Variants in SGCD observed in about 807,000 individuals in gnomAD.
The protein encoded by SGCD is sarcoglycan delta.
SGCD carries 18 observed loss-of-function variants against 36.6 expected under a neutral mutation model. The observed-to-expected ratio is 0.49, with a 90% confidence interval of 0.34 to 0.73. The LOEUF is 0.73. Among genes scored for constraint, SGCD ranks in the 30% least tolerant of loss-of-function variants. The probability of loss-of-function intolerance (pLI) is 0.01; values close to 1 mark genes in which losing one functional copy is unlikely to be tolerated. For missense variants in SGCD, 387 were observed against 346.7 expected, an observed-to-expected ratio of 1.12 and a Z score of -0.92; for synonymous variants, 133 against 130.6, an observed-to-expected ratio of 1.02 and a Z score of -0.12.
chr5:156,114,072 G>T (rs1761853432), intron 1 of SGCD, among the ~76,000 whole-genome samples: 1 of 152,160 alleles, frequency 6.6e-6, no homozygotes, highest in South Asian at 2.1e-4. Flanking sequence ...TATAATGCTG[G>T]ATGCATATCA....
intron 3 of SGCD, among the ~76,000 whole-genome samples, chr5:156,478,026 A>ATGG (rs1191050927): frequency 6.6e-6 from 1 of 152,040 alleles, no homozygotes; most frequent in East Asian, 1.9e-4. Context: ...TCCTGGGAGA[A>ATGG]CAATCAGAGG....
chr5:155,775,509 T>A, the SGCD span, among the ~76,000 whole-genome samples: 1 of 152,142 alleles, frequency 6.6e-6, no homozygotes. Context: ...CCATGCTTTT[T>A]CCAACTCTAT....
intron 1 of SGCD, among the ~76,000 whole-genome samples, chr5:156,077,585 G>A (rs576173345): frequency 1.3e-5 from 2 of 152,172 alleles, no homozygotes; most frequent in South Asian, 4.2e-4. Flanking sequence ...TTTCACTTTT[G>A]ACTCATGGGG....
the SGCD span, among the ~76,000 whole-genome samples, chr5:155,836,470 A>ACCCCCC: frequency 4.6e-5 from 4 of 87,464 alleles, no homozygotes; most frequent in African/African-American, 1.5e-4. Context: ...TCTGATACCC[A>ACCCCCC]CCCCCGCCCC....
At chr5:156,547,501 G>C (rs1044859183) in intron 4 of SGCD, among the ~76,000 whole-genome samples, 10 of 151,194 alleles carry the variant, frequency 6.6e-5, no homozygotes, top group Non-Finnish European at 1.2e-4. Context: ...GGAGTGCAGT[G>C]GTGCGATCCC....
At chr5:156,434,666 C>T (rs1443915533) in intron 3 of SGCD, among the ~76,000 whole-genome samples, 2 of 152,134 alleles carry the variant, frequency 1.3e-5, no homozygotes. Flanking sequence ...TGATGATGGC[C>T]ACAGAAAACC....
At chr5:156,151,522 A>G (rs1461006945) in intron 3 of SGCD, among the ~76,000 whole-genome samples, 3 of 151,584 alleles carry the variant, frequency 2.0e-5, no homozygotes, top group Non-Finnish European at 1.5e-5. Flanking sequence ...TTTACAAACC[A>G]GATGAAAGTA....
chr5:156,269,511 C>A (rs1419338969), intron 3 of SGCD, among the ~76,000 whole-genome samples: 28 of 91,170 alleles, frequency 3.1e-4, no homozygotes, highest in African/African-American at 9.1e-4. Context: ...AAAAAAAAAA[C>A]CATCAGATCT....
chr5:156,046,946 GA>G (rs1759780748), intron 1 of SGCD, among the ~76,000 whole-genome samples: 1 of 152,184 alleles, frequency 6.6e-6, no homozygotes, highest in South Asian at 2.1e-4. Context: ...AGTTTCTGAA[GA>G]AAATTAAAAG....
At chr5:156,300,912 T>C (rs1193474183) in intron 3 of SGCD, among the ~76,000 whole-genome samples, 1 of 151,050 alleles carries the variant, frequency 6.6e-6, no homozygotes, top group Non-Finnish European at 1.5e-5. Flanking sequence ...TTTTGTTTGA[T>C]AAAAGTATAA....
the SGCD span, among the ~76,000 whole-genome samples, chr5:155,859,446 A>C: frequency 6.6e-6 from 1 of 152,138 alleles, no homozygotes; most frequent in African/African-American, 2.4e-5. Context: ...GAGTTTTGAT[A>C]AATATATAGA....
At position 156,723,023 on chromosome 5, in the gene SGCD, G is replaced by A. The variant is rs17053840; in HGVS notation, c.576-34558G>A. On this transcript the variant is annotated intron_variant, in intron 7 of 8. Coordinates refer to ENST00000337851, the MANE Select transcript of SGCD (RefSeq NM_000337.6). Reference sequence around the variant, plus strand: ...CTAGTAAATTAGACATTTAAAAAACGAATATGCCTACTGGAAGTGAAGTTC... The same window carrying A: ...CTAGTAAATTAGACATTTAAAAAACAAATATGCCTACTGGAAGTGAAGTTC... Among the ~76,000 whole-genome samples the A allele has an allele frequency of 2.6e-3, 392 of 152,294 alleles. 16 individuals are homozygous for A. The East Asian group carries it at 0.062, about 24-fold the overall frequency.
At chr5:156,488,201 T>G (rs1238978782) in intron 3 of SGCD, among the ~76,000 whole-genome samples, 1 of 149,460 alleles carries the variant, frequency 6.7e-6, no homozygotes, top group Non-Finnish European at 1.5e-5. Flanking sequence ...CCATGAATAT[T>G]AGAATTTAGG....
At chr5:155,780,475 G>A in the SGCD span, among the ~76,000 whole-genome samples, 1 of 152,098 alleles carries the variant, frequency 6.6e-6, no homozygotes, top group Non-Finnish European at 1.5e-5. Flanking sequence ...AGGAAAATTC[G>A]AAATCCCCTG....
At chr5:155,889,850 C>T (rs1358594099) in intron 1 of SGCD, among the ~76,000 whole-genome samples, 1 of 152,158 alleles carries the variant, frequency 6.6e-6, no homozygotes, top group Non-Finnish European at 1.5e-5. Context: ...TGTGGGCACC[C>T]GCCCTATTCC....
intron 1 of SGCD, among the ~76,000 whole-genome samples, chr5:156,084,863 C>T: frequency 6.6e-6 from 1 of 152,112 alleles, no homozygotes; most frequent in East Asian, 1.9e-4. Context: ...AAGTGATTTC[C>T]CTCTATCCTA....
At chr5:155,779,744 G>A in the SGCD span, among the ~76,000 whole-genome samples, 4 of 152,104 alleles carry the variant, frequency 2.6e-5, no homozygotes, top group Non-Finnish European at 5.9e-5. Context: ...CTGACCTTCA[G>A]AATAGCTGTT....
chr5:156,033,542 C>A (rs542663093), intron 1 of SGCD, among the ~76,000 whole-genome samples: 12 of 152,200 alleles, frequency 7.9e-5, no homozygotes, highest in African/African-American at 2.6e-4. Context: ...AATAAGAATC[C>A]ATGGATGAAT....
chr5:156,757,647 T>C lies in SGCD; in HGVS notation c.642T>C (p.Ala214=), dbSNP rs778303434. The part of the protein sequence containing the change: ...APKGVEINAE[A]GNMEATCRTE... ...AAGGAGTGGAAATCAATGCAGAAGC[T>C]GGCAATATGGAAGCCACCTGCAGGA... Residue 214 remains alanine, a synonymous_variant, in exon 8 of 9, where the codon GCT becomes GCC. Transcript: ENST00000337851. The C allele has an allele frequency of 5.0e-6, 8 of 1,610,730 alleles. No individual in the cohort carries two copies. In the Admixed American group the frequency reaches 1.3e-4, roughly 27 times the overall value.
Sources: allele counts gnomAD v4.1 joint callset (sites outside exome capture counted in the v4.1 genomes callset), GRCh38; gene constraint gnomAD v4.1.1; transcripts MANE v1.5; gene names NCBI Gene and HGNC (gene_info 2026-07-23, HGNC 2026-07-21).